Variants in CCDC196 observed in about 807,000 individuals in gnomAD.
CCDC196 encodes coiled-coil domain containing 196, also known as coiled-coil domain-containing protein 196.
intron 8 of CCDC196, among the ~76,000 whole-genome samples, chr14:66,495,202 C>A (rs1377267895): frequency 6.6e-6 from 1 of 152,134 alleles, no homozygotes; most frequent in Non-Finnish European, 1.5e-5. Context: ...CACCTAAAAT[C>A]ATCTCATCAT....
intron 2 of CCDC196, among the ~76,000 whole-genome samples, chr14:66,487,299 A>G (rs141968331): frequency 4.0e-4 from 61 of 151,940 alleles, no homozygotes; most frequent in African/African-American, 1.3e-3. Flanking sequence ...GGACCCACAA[A>G]CTCTGTTTCC....
intron 8 of CCDC196, chr14:66,494,873 A>T (rs2057626139): frequency 6.6e-6 from 1 of 152,078 alleles, no homozygotes; most frequent in Admixed American, 6.5e-5. Flanking sequence ...CAAAATACAG[A>T]AAATTAGCCA....
intron 8 of CCDC196, chr14:66,493,747 T>C (rs747212611): frequency 4.6e-5 from 7 of 152,212 alleles, no homozygotes; most frequent in African/African-American, 7.2e-5. Context: ...TATGCATATT[T>C]TTCTTTCAAT....
intron 8 of CCDC196, chr14:66,496,055 A>C: frequency 3.3e-6 from 1 of 302,902 alleles, no homozygotes; most frequent in East Asian, 7.7e-5. Context: ...ATGAGCACTA[A>C]ACAAAAAATA....
intron 4 of CCDC196, among the ~76,000 whole-genome samples, chr14:66,489,826 T>C (rs553406376): frequency 4.2e-4 from 64 of 152,294 alleles, no homozygotes; most frequent in African/African-American, 1.5e-3. Context: ...TTAGGGCCTT[T>C]TGCTGGGAAA....
At chr14:66,486,891 A>ATT (rs112147807) in intron 2 of CCDC196, 82 bp downstream of exon 2, 22 of 328,402 alleles carry the variant, frequency 6.7e-5, no homozygotes, top group Middle Eastern at 8.4e-4. Flanking sequence ...ATTACTTACA[A>ATT]TTTTTTTTTT....
chr14:66,493,302 T>C (rs1009610123), intron 8 of CCDC196, among the ~76,000 whole-genome samples: 3 of 152,200 alleles, frequency 2.0e-5, no homozygotes, highest in Admixed American at 2.0e-4. Flanking sequence ...ATGAGAGTAC[T>C]GTACAGCTGG....
At chr14:66,487,736 T>C (rs2057441239) in intron 2 of CCDC196, among the ~76,000 whole-genome samples, 1 of 152,110 alleles carries the variant, frequency 6.6e-6, no homozygotes, top group African/African-American at 2.4e-5. Flanking sequence ...AGCAAGGAAG[T>C]GGGAGAAAGT....
Position 66,486,823 on chromosome 14 carries a change from C to A in CCDC196, c.203+14C>A, listed in dbSNP as rs918198870. On this transcript the variant is annotated intron_variant, in intron 2 of 9. Coordinates refer to ENST00000636229, the MANE Select transcript of CCDC196 (RefSeq NM_001351576.1). ...AAAACAAAGGAGGTACGGGCTCTTACTCTGGATTCCTAGAGGTAAAAAGGC... is the reference window on the plus strand; with the variant it reads ...AAAACAAAGGAGGTACGGGCTCTTAATCTGGATTCCTAGAGGTAAAAAGGC... 1 of 412,720 alleles carries A rather than the reference C, an allele frequency of 2.4e-6. No individual in the cohort carries two copies. The highest frequency in any genetic ancestry group is 2.1e-5 in the African/African-American group (1 of 48,614). The allele number at this position is 412,720 out of a possible 1,614,324, so 25.6% of individuals were successfully genotyped here. A position where few individuals can be genotyped will look rare whatever the true frequency, so the allele number is the denominator to read the frequency against.
intron 8 of CCDC196, chr14:66,496,387 C>A (rs1280604594): frequency 2.2e-6 from 1 of 456,046 alleles, no homozygotes; most frequent in Admixed American, 2.3e-5. Context: ...TTTTGTTACA[C>A]TTCAACAAAT....
Position 66,495,174 on chromosome 14 carries a change from G to A in CCDC196, c.716-2935G>A, listed in dbSNP as rs376514215. On this transcript the variant is annotated intron_variant, in intron 8 of 9. Transcript: ENST00000636229. ...GTATTTAATGCCTTGTCCCAACACC[G>A]AAATTTATCCCAATTGCCACCTAAA... Among the ~76,000 whole-genome samples, 31 of 152,202 alleles carry A rather than the reference G, an allele frequency of 2.0e-4. No homozygotes were observed. The East Asian group carries it at 5.2e-3, about 26-fold the overall frequency.
At chr14:66,495,455 C>A (rs1235540255) in intron 8 of CCDC196, among the ~76,000 whole-genome samples, 1 of 152,162 alleles carries the variant, frequency 6.6e-6, no homozygotes, top group Non-Finnish European at 1.5e-5. Flanking sequence ...AGAAGCCAGG[C>A]TTCTTGGCTC....
chr14:66,492,319 G>A lies in CCDC196; in HGVS notation c.715+125G>A, dbSNP rs569666094. The stretch of plus-strand genomic sequence containing the variant: ...CAGTAAGTTAAATGTTAGTAGTACA[G>A]TAATTAATTTTTTCATTATCTTTTT... On this transcript the variant is annotated intron_variant, in intron 8 of 9. Coordinates refer to ENST00000636229, the MANE Select transcript of CCDC196 (RefSeq NM_001351576.1). The A allele has an allele frequency of 1.1e-5, 4 of 379,102 alleles. No homozygotes were observed. In the East Asian group the frequency reaches 1.5e-4, roughly 14 times the overall value. The allele number at this position is 379,102 out of a possible 1,614,324, so 23.5% of individuals were successfully genotyped here. A position where few individuals can be genotyped will look rare whatever the true frequency, so the allele number is the denominator to read the frequency against.
At chr14:66,488,314 A>C (rs2057456084) in intron 3 of CCDC196, 58 bp downstream of exon 3, 1 of 409,662 alleles carries the variant, frequency 2.4e-6, no homozygotes, top group African/African-American at 2.1e-5. Context: ...ATTCCATTGC[A>C]GTGTCAGATG....
Position 66,498,185 on chromosome 14 carries a change from TAAAC to T in CCDC196, c.774+26_774+29del. On this transcript the variant is annotated intron_variant, in intron 9 of 9. Coordinates refer to ENST00000636229, the MANE Select transcript of CCDC196 (RefSeq NM_001351576.1). ...ACCATGTGGTGAGAACTACTTTCTTTAAACAAACAAAAAATCGTTTTAAGGGCTT... is the reference window on the plus strand; with the variant it reads ...ACCATGTGGTGAGAACTACTTTCTTTAAACAAAAAATCGTTTTAAGGGCTT... 7.3e-6 allele frequency: 3 copies of T among 412,950 alleles called. No individual in the cohort carries two copies. Among genetic ancestry groups the T allele is most frequent in the Non-Finnish European group, 1.3e-5 (3 of 225,720 alleles). The allele number at this position is 412,950 out of a possible 1,614,324, so 25.6% of individuals were successfully genotyped here. A position where few individuals can be genotyped will look rare whatever the true frequency, so the allele number is the denominator to read the frequency against.
chr14:66,495,246 G>T (rs1441225813), intron 8 of CCDC196, among the ~76,000 whole-genome samples: 1 of 152,060 alleles, frequency 6.6e-6, no homozygotes, highest in African/African-American at 2.4e-5. Flanking sequence ...AAGGAAAAAA[G>T]CACTGAATTT....
chr14:66,488,975 C>T lies in CCDC196; in HGVS notation c.301-12C>T, dbSNP rs1254361627. ...CATGCTTCTGTTTGTTTGGTTCTTCCCCCTCCAACAGGAAAGGAAAAACAA... is the reference window on the plus strand; with the variant it reads ...CATGCTTCTGTTTGTTTGGTTCTTCTCCCTCCAACAGGAAAGGAAAAACAA... On this transcript the variant is annotated splice_polypyrimidine_tract_variant and intron_variant, in intron 3 of 9. Coordinates refer to ENST00000636229, the MANE Select transcript of CCDC196 (RefSeq NM_001351576.1). The T allele has an allele frequency of 1.9e-5, 8 of 413,086 alleles. No individual in the cohort carries two copies. The highest frequency in any genetic ancestry group is 4.4e-5 in the Admixed American group (1 of 22,692). The allele number at this position is 413,086 out of a possible 1,614,324, so 25.6% of individuals were successfully genotyped here. A position where few individuals can be genotyped will look rare whatever the true frequency, so the allele number is the denominator to read the frequency against.
chr14:66,498,526 T>C lies in CCDC196; in HGVS notation c.*54T>C. ...GATTTAAAGACTAGGCACAGCCATT[T>C]GTGTTAATTAAAATCTCTCGCACCT... is the stretch of plus-strand genomic sequence containing the variant. On this transcript the variant is annotated 3_prime_UTR_variant, in exon 10 of 10. Transcript: ENST00000636229. The C allele has an allele frequency of 2.4e-6, 1 of 411,930 alleles. No homozygotes were observed. Among genetic ancestry groups the C allele is most frequent in the Non-Finnish European group, 4.4e-6 (1 of 225,096 alleles). The allele number at this position is 411,930 out of a possible 1,614,324, so 25.5% of individuals were successfully genotyped here. A position where few individuals can be genotyped will look rare whatever the true frequency, so the allele number is the denominator to read the frequency against.
intron 8 of CCDC196, among the ~76,000 whole-genome samples, chr14:66,497,457 T>C (rs1165240011): frequency 6.6e-6 from 1 of 152,136 alleles, no homozygotes; most frequent in Non-Finnish European, 1.5e-5. Context: ...AATGTTATCA[T>C]ATTTAGCAAA....
Sources: gnomAD v4.1 joint callset for allele counts (sites outside exome capture counted in the v4.1 genomes callset) on GRCh38, gnomAD v4.1.1 for gene constraint, MANE v1.5 for transcripts, NCBI Gene and HGNC (gene_info 2026-07-23, HGNC 2026-07-21) for gene names.